ENGASE: variants seen among roughly 807,000 people sequenced by gnomAD.
ENGASE encodes the protein endo-beta-N-acetylglucosaminidase.
ENGASE carries 69 observed loss-of-function variants against 78.5 expected under a neutral mutation model. The ratio of observed to expected loss-of-function variants is 0.88; its 90% CI spans 0.72 to 1.07. The LOEUF (loss-of-function observed/expected upper bound fraction) is 1.07, where lower values mean the gene tolerates loss of function less well. Ranked by LOEUF, ENGASE falls within the 50% of genes least tolerant of loss-of-function variation. ENGASE has a pLI of 0.00. For synonymous variants in ENGASE, 408 were observed against 408.9 expected, an observed-to-expected ratio of 1.00 and a Z score of 0.03; for missense variants, 943 against 988.4, an observed-to-expected ratio of 0.95 and a Z score of 0.62.
intron 5 of ENGASE, 45 bp from the exon 6 acceptor site, chr17:79,080,880 A>C (rs2889532): frequency 1.9e-6 from 3 of 1,574,946 alleles, no homozygotes; most frequent in South Asian, 2.3e-5. Context: ...CATGATAGAT[A>C]GATCTGGGGC....
intron 13 of ENGASE, 73 bp from the exon 14 acceptor site, chr17:79,085,860 G>A (rs1423771118): frequency 2.5e-6 from 4 of 1,580,626 alleles, no homozygotes; most frequent in Non-Finnish European, 3.4e-6. Flanking sequence ...GTCAGGGAGG[G>A]GAAATGTGTG....
chr17:79,086,295 G>C lies in ENGASE; in HGVS notation c.2178G>C (p.Arg726=), dbSNP rs368960577. The change falls in exon 14 of 14, where the codon CGG becomes CGC. Residue 726 remains arginine, a synonymous_variant. Coordinates refer to ENST00000579016, the MANE Select transcript of ENGASE (RefSeq NM_001042573.3). ...AGCCTGTCCCCAAGGAAGGGTTCCG[G>C]GTACCTCAGGCCGAGTGGGGCAGGG... ...LVEPVPKEGF[R]VPQAEWGRAV... 5 of 1,613,590 alleles carry C rather than the reference G, an allele frequency of 3.1e-6. No homozygotes were observed. In the East Asian group the frequency reaches 1.1e-4, roughly 36 times the overall value.
rs756907371 is a variant in ENGASE, at chr17:79,086,101, C to G, written c.1984C>G (p.Arg662Gly). Residue 662 changes from arginine to glycine, a missense_variant, in exon 14 of 14, where the codon CGA becomes GGA. Transcript: ENST00000579016. The part of the protein sequence containing the change: ...SFLLSQVRCF[R>G]IHCWGGMSDD... ...CCTCCTCTCACAAGTCCGTTGCTTCCGAATCCACTGCTGGGGAGGGATGAG... is the reference window on the plus strand; with the variant it reads ...CCTCCTCTCACAAGTCCGTTGCTTCGGAATCCACTGCTGGGGAGGGATGAG... 2.5e-6 allele frequency: 4 copies of G among 1,613,718 alleles called. No homozygotes were observed. Among genetic ancestry groups the G allele is most frequent in the Non-Finnish European group, 3.4e-6 (4 of 1,180,040 alleles).
intron 1 of ENGASE, among the ~76,000 whole-genome samples, chr17:79,076,192 G>C (rs1460522575): frequency 6.6e-6 from 1 of 152,278 alleles, no homozygotes; most frequent in African/African-American, 2.4e-5. Context: ...CTTGGGCGTT[G>C]GTAGATTTAG....
Position 79,079,477 on chromosome 17 carries a change from T to G in ENGASE, c.417-12T>G. The G allele has an allele frequency of 6.2e-7, 1 of 1,611,428 alleles. No homozygotes were observed. The highest frequency in any genetic ancestry group is 8.5e-7 in the Non-Finnish European group (1 of 1,179,358). ...GCTGCCGTGGCCAGCCCTGTTCTGT[T>G]TCTTTCCCCAGGTTCATTCAGGGCT... On this transcript the variant is annotated splice_polypyrimidine_tract_variant and intron_variant, in intron 3 of 13. Transcript: ENST00000579016.
At position 79,084,614 on chromosome 17, in the gene ENGASE, G is replaced by A. The variant is rs201792800; in HGVS notation, c.1519G>A (p.Val507Ile). ...GTATAAGCTTGAGGGGCCCACGGAC[G>A]TCACAGTTGCTTTGGAGCTGACCAC... Reference protein sequence around the residue: ...MVYKLEGPTDVTVALELTTGD... With the variant: ...MVYKLEGPTDITVALELTTGD... Residue 507 changes from valine (V) to isoleucine (I), a missense_variant, in exon 11 of 14, where the codon GTC becomes ATC. Physicochemically the swap from Val to Ile is conservative, Grantham distance 29. Coordinates refer to ENST00000579016, the MANE Select transcript of ENGASE (RefSeq NM_001042573.3). 2.6e-4 allele frequency: 413 copies of A among 1,612,366 alleles called. 1 individual carries two copies. In the Middle Eastern group the frequency reaches 7.3e-3, roughly 28 times the overall value.
Position 79,081,889 on chromosome 17 carries a change from G to T in ENGASE, c.873-9G>T, listed in dbSNP as rs762680748. ...CTGGGCCTCACAGCAGGTCCTTGTT[G>T]CTTCTCAGGGTCTTCTTTGATTCCT... On this transcript the variant is annotated splice_polypyrimidine_tract_variant and intron_variant, in intron 6 of 13. Transcript: ENST00000579016. 22 of 1,605,746 alleles carry T rather than the reference G, an allele frequency of 1.4e-5. No individual in the cohort carries two copies. The highest frequency in any genetic ancestry group is 5.0e-5 in the Admixed American group (3 of 59,424).
In ENGASE at chr17:79,085,986, C is replaced by T. The variant is rs1454077503; in HGVS notation, c.1869C>T (p.Thr623=). 6.2e-7 allele frequency: 1 copy of T among 1,609,498 alleles called. No homozygotes were observed. Among genetic ancestry groups the T allele is most frequent in the Non-Finnish European group, 8.5e-7 (1 of 1,179,888 alleles). The part of the protein sequence containing the change: ...LAPLPQVQAV[T]ISHIRWQPSA... The stretch of plus-strand genomic sequence containing the variant: ...CTCTGCCCCAGGTGCAGGCCGTCAC[C>T]ATCTCTCACATCCGCTGGCAGCCAT... The change falls in exon 14 of 14, where the codon ACC becomes ACT. Residue 623 remains threonine (T), a synonymous_variant. Coordinates refer to ENST00000579016, the MANE Select transcript of ENGASE (RefSeq NM_001042573.3).
In ENGASE at chr17:79,086,124, G is replaced by A. The variant is rs1490764022; in HGVS notation, c.2007G>A (p.Met669Ile). 6.2e-7 allele frequency: 1 copy of A among 1,613,760 alleles called. No homozygotes were observed. Among genetic ancestry groups the A allele is most frequent in the Admixed American group, 1.7e-5 (1 of 60,036 alleles). ...RCFRIHCWGG[M>I]SDDSPGRELP... is the part of the protein sequence containing the mutation. ...TCCGAATCCACTGCTGGGGAGGGATGAGTGATGACTCTCCGGGCAGGGAGC... is the reference window on the plus strand; with the variant it reads ...TCCGAATCCACTGCTGGGGAGGGATAAGTGATGACTCTCCGGGCAGGGAGC... Residue 669 changes from methionine to isoleucine, a missense_variant, in exon 14 of 14, where the codon ATG becomes ATA. By Grantham distance (10) the Met-to-Ile change is conservative (BLOSUM62 1). Transcript: ENST00000579016.
Position 79,084,539 on chromosome 17 carries a change from T to C in ENGASE, c.1444T>C (p.Leu482=), listed in dbSNP as rs2073236324. The C allele has an allele frequency of 6.4e-7, 1 of 1,568,416 alleles. No individual in the cohort carries two copies. Among genetic ancestry groups the C allele is most frequent in the Non-Finnish European group, 8.6e-7 (1 of 1,162,544 alleles). ...CCATCACAGGACCTTTTTCCCCAGGTTATTTTCCCTGCAGGCCCCAGTGCC... is the reference window on the plus strand; with the variant it reads ...CCATCACAGGACCTTTTTCCCCAGGCTATTTTCCCTGCAGGCCCCAGTGCC... ...PPEVGNVAVR[L]FSLQAPVPPK... Residue 482 remains leucine (L), a splice_region_variant and synonymous_variant, in exon 11 of 14, where the codon TTA becomes CTA. Coordinates refer to ENST00000579016, the MANE Select transcript of ENGASE (RefSeq NM_001042573.3).
intron 12 of ENGASE, 132 bp downstream of exon 12, chr17:79,085,474 C>T (rs922611080): frequency 1.5e-6 from 2 of 1,349,026 alleles, no homozygotes; most frequent in East Asian, 2.5e-5. Context: ...AAGCCCAGGA[C>T]AGCTGCTGGG....
intron 10 of ENGASE, 89 bp downstream of exon 10, chr17:79,084,040 C>T (rs1441139845): frequency 6.7e-6 from 8 of 1,195,726 alleles, no homozygotes; most frequent in Non-Finnish European, 8.3e-6. Context: ...CAGTGGAGGC[C>T]AGAACAAGGA....
In ENGASE at chr17:79,080,916, C is replaced by A; in HGVS notation, c.724-9C>A. The A allele has an allele frequency of 6.2e-7, 1 of 1,607,280 alleles. No individual in the cohort carries two copies. The highest frequency in any genetic ancestry group is 8.5e-7 in the Non-Finnish European group (1 of 1,175,904). The stretch of plus-strand genomic sequence containing the variant: ...TCACTGAGGCTCTCACCTTGTTCTT[C>A]TCTTTCAGCTGGCCGCTGTGGGGAA... On this transcript the variant is annotated splice_polypyrimidine_tract_variant and intron_variant, in intron 5 of 13. Transcript: ENST00000579016.
rs1042157806 is a variant in ENGASE, at chr17:79,085,257, C to T, written c.1615C>T (p.Leu539Phe). The T allele has an allele frequency of 3.1e-6, 5 of 1,613,464 alleles. No individual in the cohort carries two copies. The Admixed American group carries it at 6.7e-5, about 22-fold the overall frequency. Residue 539 changes from leucine (L) to phenylalanine (F), a missense_variant, in exon 12 of 14, where the codon CTC (leucine) becomes TTC (phenylalanine). Coordinates refer to ENST00000579016, the MANE Select transcript of ENGASE (RefSeq NM_001042573.3). The part of the protein sequence containing the change: ...LNAETSSRHS[L>F]RPLRVPPTKL... ...AGCAGAAACAAGCTCAAGACACAGCCTCCGACCCCTCCGGGTGCCCCCCAC... is the reference window on the plus strand; with the variant it reads ...AGCAGAAACAAGCTCAAGACACAGCTTCCGACCCCTCCGGGTGCCCCCCAC...
intron 13 of ENGASE, 25 bp from the exon 14 acceptor site, chr17:79,085,908 C>T (rs371286447): frequency 1.4e-4 from 227 of 1,581,554 alleles, no homozygotes; most frequent in Admixed American, 7.0e-4. Flanking sequence ...GGCGTCCAGC[C>T]GTGCTGAGCC....
chr17:79,083,382 G>C lies in ENGASE; in HGVS notation c.1143-100G>C. 1.2e-6 allele frequency: 1 copy of C among 861,694 alleles called. No individual in the cohort carries two copies. Among genetic ancestry groups the C allele is most frequent in the Non-Finnish European group, 1.9e-6 (1 of 537,710 alleles). The allele number at this position is 861,694 out of a possible 1,614,324, so 53.4% of individuals were successfully genotyped here. On this transcript the variant is annotated intron_variant, in intron 8 of 13. Transcript: ENST00000579016. The surrounding 1 kb of genome is among the most constrained non-coding windows in gnomAD (Gnocchi z 4.9). ...TCCTCCTGGAAGTCCTGTCTTGGAG[G>C]GTGCAGGAGAGCCTCGAGTTTCCAC...
chr17:79,087,544 T>TC lies in ENGASE; in HGVS notation c.*1196dup. On this transcript the variant is annotated 3_prime_UTR_variant, in exon 14 of 14. Coordinates refer to ENST00000579016, the MANE Select transcript of ENGASE (RefSeq NM_001042573.3). Reference sequence around the variant, plus strand: ...CGGCCTTGGGTCATCCTGTGGCTGGTCTGGGGTGGGGTCTGTTGTGGTCCT... The same window carrying TC: ...CGGCCTTGGGTCATCCTGTGGCTGGTCCTGGGGTGGGGTCTGTTGTGGTCCT... 1 of 157,992 alleles carries TC rather than the reference T, an allele frequency of 6.3e-6. No homozygotes were observed. The highest frequency in any genetic ancestry group is 1.8e-4 in the South Asian group (1 of 5,624). 9.8% of individuals were successfully genotyped at this position (157,992 alleles called of 1,614,324 possible).
At position 79,075,002 on chromosome 17, in the gene ENGASE, C is replaced by G; in HGVS notation, c.58C>G (p.Leu20Val). Residue 20 changes from leucine (L) to valine (V), a missense_variant, in exon 1 of 14, where the codon CTG becomes GTG. Coordinates refer to ENST00000579016, the MANE Select transcript of ENGASE (RefSeq NM_001042573.3). ...RSATRRRRRQ[L>V]QGLAAPEAGT... The stretch of plus-strand genomic sequence containing the variant: ...GGCTACACGGCGGCGGCGGCGGCAG[C>G]TGCAGGGGCTGGCGGCCCCGGAGGC... 1 of 1,219,326 alleles carries G rather than the reference C, an allele frequency of 8.2e-7. No homozygotes were observed. The highest frequency in any genetic ancestry group is 4.1e-5 in the South Asian group (1 of 24,602). The allele number at this position is 1,219,326 out of a possible 1,614,324, so 75.5% of individuals were successfully genotyped here.
rs141505138 is a variant in ENGASE, at chr17:79,080,449, G to A, written c.723+85G>A. The A allele has an allele frequency of 4.9e-5, 73 of 1,503,922 alleles. 1 individual carries two copies. The African/African-American group carries it at 6.4e-4, about 13-fold the overall frequency. The allele number at this position is 1,503,922 out of a possible 1,614,324, so 93.2% of individuals were successfully genotyped here. On this transcript the variant is annotated intron_variant, in intron 5 of 13. Transcript: ENST00000579016. ...CTCTTTCCTGCCTTGGCCTCACCTCGCCCCACGCCTGGGCTGCAGGTTGCA... is the reference window on the plus strand; with the variant it reads ...CTCTTTCCTGCCTTGGCCTCACCTCACCCCACGCCTGGGCTGCAGGTTGCA...
Sources: gnomAD v4.1 joint callset for allele counts (sites outside exome capture counted in the v4.1 genomes callset) on GRCh38, gnomAD v4.1.1 for gene constraint, Gnocchi (gnomAD v3.1) non-coding constraint, MANE v1.5 for transcripts, NCBI Gene and HGNC (gene_info 2026-07-23, HGNC 2026-07-21) for gene names.